SDK1: variants seen among roughly 807,000 people sequenced by gnomAD.
SDK1 encodes protein sidekick-1.
A neutral mutation model predicts 245.5 loss-of-function variants in SDK1; 157 were observed. That is an observed-to-expected ratio of 0.64 (90% CI 0.56 to 0.73). The LOEUF is 0.73. SDK1 is among the 30% of genes least tolerant of loss of function. The probability of loss-of-function intolerance (pLI) is 0.00; values close to 1 mark genes in which losing one functional copy is unlikely to be tolerated. For synonymous variants in SDK1, 1,647 were observed against 1,278.5 expected, an observed-to-expected ratio of 1.29 and a Z score of -6.15; for missense variants, 3,583 against 3,002.3, an observed-to-expected ratio of 1.19 and a Z score of -4.52.
chr7:3,902,700 G>A (rs1006065254), intron 5 of SDK1, among the ~76,000 whole-genome samples: 1 of 152,220 alleles, frequency 6.6e-6, no homozygotes, highest in African/African-American at 2.4e-5. Flanking sequence ...GATGTGGTCA[G>A]AGAAGCCTCA....
At position 3,972,359 on chromosome 7, in the gene SDK1, G is replaced by T. The variant is rs143023717; in HGVS notation, c.1817+791G>T. Among the ~76,000 whole-genome samples the T allele has an allele frequency of 5.2e-3, 786 of 152,254 alleles. 6 individuals carry two copies. The highest frequency in any genetic ancestry group is 0.018 in the African/African-American group (741 of 41,540). ...CTCCCAAAGTGCTGGGATTCCAGGAGTGAGCTGCCGTGCCCGGCCAAGGGT... is the reference window on the plus strand; with the variant it reads ...CTCCCAAAGTGCTGGGATTCCAGGATTGAGCTGCCGTGCCCGGCCAAGGGT... On this transcript the variant is annotated intron_variant, in intron 12 of 44. Coordinates refer to ENST00000404826, the MANE Select transcript of SDK1 (RefSeq NM_152744.4).
chr7:3,908,707 G>A (rs1779047652), intron 5 of SDK1, among the ~76,000 whole-genome samples: 1 of 152,114 alleles, frequency 6.6e-6, no homozygotes, highest in South Asian at 2.1e-4. Flanking sequence ...ATGTCAAAGG[G>A]GAAATCATCT....
chr7:4,072,685 C>T (rs1780331235), intron 20 of SDK1, among the ~76,000 whole-genome samples: 1 of 152,240 alleles, frequency 6.6e-6, no homozygotes, highest in Admixed American at 6.5e-5. Context: ...CCACCATGCT[C>T]TCGCAGGCTT....
At chr7:3,605,890 A>T (rs1781408629) in intron 1 of SDK1, among the ~76,000 whole-genome samples, 2 of 152,120 alleles carry the variant, frequency 1.3e-5, no homozygotes, top group Admixed American at 1.3e-4. Context: ...TCTTTGACAA[A>T]AGTTTTTTTT....
intron 30 of SDK1, among the ~76,000 whole-genome samples, chr7:4,150,712 C>T (rs1196445997): frequency 6.6e-6 from 1 of 152,222 alleles, no homozygotes; most frequent in Non-Finnish European, 1.5e-5. Flanking sequence ...CCCCACTCTG[C>T]CCTGGGGGCA....
intron 4 of SDK1, among the ~76,000 whole-genome samples, chr7:3,779,795 G>A (rs908929483): frequency 7.2e-5 from 11 of 152,090 alleles, no homozygotes; most frequent in Middle Eastern, 3.4e-3. Flanking sequence ...AGCCGGGCGC[G>A]GTGGCGGGCG....
At chr7:3,525,189 G>T (rs1050827247) in intron 1 of SDK1, among the ~76,000 whole-genome samples, 5 of 152,016 alleles carry the variant, frequency 3.3e-5, no homozygotes, top group African/African-American at 1.2e-4. Flanking sequence ...GAGGTTTTGG[G>T]TATTCTTGGT....
At chr7:3,867,252 A>T (rs1189783887) in intron 5 of SDK1, among the ~76,000 whole-genome samples, 4 of 152,210 alleles carry the variant, frequency 2.6e-5, no homozygotes, top group African/African-American at 9.6e-5. Context: ...ATAGGCCCCT[A>T]ACACAGGAGA....
At chr7:4,087,628 T>C (rs1373540935) in intron 22 of SDK1, among the ~76,000 whole-genome samples, 2 of 152,226 alleles carry the variant, frequency 1.3e-5, no homozygotes, top group Non-Finnish European at 2.9e-5. Context: ...TGTTTTCTCT[T>C]GGAGAAGCAC....
At chr7:3,751,209 T>G (rs1351621649) in intron 4 of SDK1, among the ~76,000 whole-genome samples, 4 of 152,186 alleles carry the variant, frequency 2.6e-5, no homozygotes, top group Non-Finnish European at 2.9e-5. Context: ...AACTGACATT[T>G]TAGCCTGTGT....
chr7:3,908,598 C>T lies in SDK1; in HGVS notation c.848-42325C>T, dbSNP rs118040525. On this transcript the variant is annotated intron_variant, in intron 5 of 44. Transcript: ENST00000404826. ...GCCACCATTCATCTCTTCCTTCCTTCCTTTAAATATTCCGCAAGTACTCAT... is the reference window on the plus strand; with the variant it reads ...GCCACCATTCATCTCTTCCTTCCTTTCTTTAAATATTCCGCAAGTACTCAT... Among the ~76,000 whole-genome samples the T allele has an allele frequency of 9.7e-4, 148 of 152,084 alleles. No individual in the cohort carries two copies. The Middle Eastern group carries it at 0.01, about 10-fold the overall frequency.
At chr7:3,897,137 A>G (rs1781630931) in intron 5 of SDK1, among the ~76,000 whole-genome samples, 1 of 152,214 alleles carries the variant, frequency 6.6e-6, no homozygotes, top group Non-Finnish European at 1.5e-5. Flanking sequence ...CACTGCCACA[A>G]CACATGGGGA....
chr7:3,346,827 A>ATATATATAATTTTTTTTTTT (rs1228887289), intron 1 of SDK1, among the ~76,000 whole-genome samples: 1 of 16,386 alleles, frequency 6.1e-5, no homozygotes, highest in Non-Finnish European at 1.1e-4. Context: ...ATATATATAT[A>ATATATATAATTTTTTTTTTT]TTTTTTTTTT....
intron 28 of SDK1, among the ~76,000 whole-genome samples, chr7:4,135,286 C>A (rs1175691937): frequency 6.6e-6 from 1 of 152,162 alleles, no homozygotes; most frequent in Non-Finnish European, 1.5e-5. Flanking sequence ...AGAAACAAGA[C>A]CCCTACACCC....
At chr7:3,528,247 T>C in intron 1 of SDK1, among the ~76,000 whole-genome samples, 1 of 112,024 alleles carries the variant, frequency 8.9e-6, no homozygotes, top group Non-Finnish European at 1.8e-5. Flanking sequence ...TGGATGATAT[T>C]CAGCTAGGGG....
chr7:3,652,746 G>A (rs186554424), intron 4 of SDK1, among the ~76,000 whole-genome samples: 1 of 152,182 alleles, frequency 6.6e-6, no homozygotes, highest in Non-Finnish European at 1.5e-5. Context: ...TGGAAGTTCT[G>A]ATGCCACTGT....
intron 1 of SDK1, among the ~76,000 whole-genome samples, chr7:3,538,683 C>G (rs938916217): frequency 1.3e-5 from 2 of 152,154 alleles, no homozygotes; most frequent in African/African-American, 4.8e-5. Context: ...TCTGCCCACC[C>G]GGCTACTTCT....
rs145391389 is a variant in SDK1 at position 4,268,807 on chromosome 7, C to G, written c.*3423C>G. ...TGGAAACTCATGAGCTGAGCCTGCC[C>G]GCTGGGACACGTCTCCTTCCCGCGT... On this transcript the variant is annotated 3_prime_UTR_variant, in exon 45 of 45. Transcript: ENST00000404826. The G allele has an allele frequency of 1.1e-4, 135 of 1,230,868 alleles. No homozygotes were observed. Among genetic ancestry groups the G allele is most frequent in the Non-Finnish European group, 1.4e-4 (129 of 897,842 alleles). 76.2% of individuals were successfully genotyped at this position (1,230,868 alleles called of 1,614,324 possible).
intron 4 of SDK1, among the ~76,000 whole-genome samples, chr7:3,697,351 T>G (rs781372979): frequency 6.6e-6 from 1 of 152,238 alleles, no homozygotes; most frequent in South Asian, 2.1e-4. Flanking sequence ...AGTCACTGAT[T>G]TGGAGCTTCT....
Sources: allele counts gnomAD v4.1 joint callset (sites outside exome capture counted in the v4.1 genomes callset), GRCh38; gene constraint gnomAD v4.1.1; transcripts MANE v1.5; gene names NCBI Gene and HGNC (gene_info 2026-07-23, HGNC 2026-07-21).